EPSTI1: variants seen among roughly 807,000 people sequenced by gnomAD.
EPSTI1 encodes epithelial-stromal interaction protein 1.
In EPSTI1, 66 loss-of-function variants were observed where a neutral mutation model predicts 49.9. The observed-to-expected ratio is 1.32, with a 90% CI of 1.08 to 1.62. The LOEUF is 1.62. Ranked by LOEUF, EPSTI1 falls within the 40% of genes most tolerant of loss-of-function variation. The pLI, the probability that EPSTI1 is intolerant of heterozygous loss-of-function variation, is 0.00. For missense variants in EPSTI1, 394 were observed against 365.5 expected, an observed-to-expected ratio of 1.08 and a Z score of -0.64; for synonymous variants, 137 against 130.7, an observed-to-expected ratio of 1.05 and a Z score of -0.33.
At chr13:42,962,027 T>C (rs1362959338) in intron 5 of EPSTI1, among the ~76,000 whole-genome samples, 1 of 152,240 alleles carries the variant, frequency 6.6e-6, no homozygotes, top group Non-Finnish European at 1.5e-5. Context: ...ATGTTCATTT[T>C]TCTTATCTGA....
chr13:42,917,638 AAG>A lies in EPSTI1; in HGVS notation c.658-16_658-15del. The A allele has an allele frequency of 2.0e-6, 2 of 990,218 alleles. No individual in the cohort carries two copies. The highest frequency in any genetic ancestry group is 2.6e-5 in the East Asian group (1 of 37,790). The allele number at this position is 990,218 out of a possible 1,614,324, so 61.3% of individuals were successfully genotyped here. A position where few individuals can be genotyped will look rare whatever the true frequency, so the allele number is the denominator to read the frequency against. ...CCAGCTTCTGGCCTGTAAAGGTACA[AAG>A]AGAAAAAAAAAAAAAAAAACAACTT... On this transcript the variant is annotated splice_polypyrimidine_tract_variant and intron_variant, in intron 7 of 10. Transcript: ENST00000313624.
intron 1 of EPSTI1, among the ~76,000 whole-genome samples, chr13:42,978,986 GAAT>G (rs1413504459): frequency 6.6e-6 from 1 of 151,704 alleles, no homozygotes; most frequent in Non-Finnish European, 1.5e-5. Context: ...TCTTTCCTTT[GAAT>G]AATAAGGACC....
At chr13:42,905,406 A>T (rs775741896) in intron 8 of EPSTI1, among the ~76,000 whole-genome samples, 3 of 152,206 alleles carry the variant, frequency 2.0e-5, no homozygotes, top group African/African-American at 4.8e-5. Flanking sequence ...ACTAAGAAGG[A>T]TAATTTCAGC....
At position 42,895,033 on chromosome 13, in the gene EPSTI1, C is replaced by T. The variant is rs747349556; in HGVS notation, c.891G>A (p.Trp297Ter). The T allele has an allele frequency of 2.0e-5, 33 of 1,612,684 alleles. No individual in the cohort carries two copies. The highest frequency in any genetic ancestry group is 3.3e-5 in the Admixed American group (2 of 59,854). Residue 297 changes from tryptophan (W) to a stop codon, truncating the protein, a stop_gained, in exon 10 of 11, where the codon TGG (tryptophan) becomes TGA (stop). Coordinates refer to ENST00000313624, the MANE Select transcript of EPSTI1 (RefSeq NM_033255.5). LOFTEE classifies it high-confidence loss of function. The part of the protein sequence containing the change: ...PGGLEQSGGC[W>*]NMNSGNSWGI Reference sequence around the variant, plus strand: ...CCCAGCTGTTACCGCTATTCATATTCCAACAGCCTCCAGATTGCTCGAGGC... The same window carrying T: ...CCCAGCTGTTACCGCTATTCATATTTCAACAGCCTCCAGATTGCTCGAGGC...
chr13:42,963,949 C>G, intron 4 of EPSTI1, 117 bp downstream of exon 4: 1 of 834,220 alleles, frequency 1.2e-6, no homozygotes, highest in Non-Finnish European at 1.8e-6. Flanking sequence ...CTGCCTTTTG[C>G]AACTGGTTGG....
rs781465487 is a variant in EPSTI1 at position 42,888,204 on chromosome 13, TC to T, written c.*289del. 7.5e-6 allele frequency: 12 copies of T among 1,599,576 alleles called. No homozygotes were observed. The African/African-American group carries it at 1.2e-4, about 16-fold the overall frequency. On this transcript the variant is annotated 3_prime_UTR_variant, in exon 11 of 11. Transcript: ENST00000313624. ...GATTAACCTGAAAGCATCAAGTGAC[TC>T]CCTCTTTTTCTACCCTACCAACATC...
chr13:42,990,297 G>A (rs957182393), intron 1 of EPSTI1, among the ~76,000 whole-genome samples: 1 of 151,896 alleles, frequency 6.6e-6, no homozygotes, highest in East Asian at 1.9e-4. Flanking sequence ...AGCTCTTCAG[G>A]GTATTAAGGC....
intron 7 of EPSTI1, among the ~76,000 whole-genome samples, chr13:42,919,084 G>T (rs1249904013): frequency 6.6e-6 from 1 of 151,984 alleles, no homozygotes; most frequent in Non-Finnish European, 1.5e-5. Context: ...TTGAATGAGA[G>T]TATCTAAATT....
At chr13:42,911,422 A>T (rs114099194) in intron 8 of EPSTI1, among the ~76,000 whole-genome samples, 8 of 152,182 alleles carry the variant, frequency 5.3e-5, no homozygotes, top group African/African-American at 1.9e-4. Context: ...TGTTCCTTGA[A>T]AATTTGAAGG....
Position 42,979,013 on chromosome 13 carries a change from A to T in EPSTI1, c.189-8343T>A, listed in dbSNP as rs552473426. Reference sequence around the variant, plus strand: ...ATAATAAGGACCACTGCATGAAACAAAGTAGTATTTATAAATAATACATCT... The same window carrying T: ...ATAATAAGGACCACTGCATGAAACATAGTAGTATTTATAAATAATACATCT... On this transcript the variant is annotated intron_variant, in intron 1 of 10. Transcript: ENST00000313624. Among the ~76,000 whole-genome samples, 146 of 152,338 alleles carry T rather than the reference A, an allele frequency of 9.6e-4. 2 individuals carry two copies. In the South Asian group the frequency reaches 0.027, roughly 29 times the overall value.
chr13:42,900,324 C>G lies in EPSTI1; in HGVS notation c.801G>C (p.Gln267His). ...GCCAGTTTTACCTCCTGTGTTCAGT[C>G]TGGTGGATTTTGGCTCTTTCTTGCT... Reference protein sequence around the residue: ...QQEQERAKIHQTEHRRVNNAF... With the variant: ...QQEQERAKIHHTEHRRVNNAF... Residue 267 changes from glutamine (Q) to histidine (H), a missense_variant, in exon 9 of 11, where the codon CAG becomes CAC. Transcript: ENST00000313624. 6.2e-7 allele frequency: 1 copy of G among 1,613,660 alleles called. No homozygotes were observed. Among genetic ancestry groups the G allele is most frequent in the Non-Finnish European group, 8.5e-7 (1 of 1,179,734 alleles).
At chr13:42,900,112 A>T (rs1426734427) in intron 9 of EPSTI1, among the ~76,000 whole-genome samples, 198 bp downstream of exon 9, 1 of 152,232 alleles carries the variant, frequency 6.6e-6, no homozygotes, top group Non-Finnish European at 1.5e-5. Context: ...GTGCATGCAC[A>T]TATGTACACA....
intron 9 of EPSTI1, among the ~76,000 whole-genome samples, chr13:42,896,957 C>T (rs1329906577): frequency 1.3e-5 from 2 of 151,878 alleles, no homozygotes; most frequent in African/African-American, 2.4e-5. Flanking sequence ...AAAATTAGCC[C>T]GGCATGGTGG....
chr13:42,954,635 C>T (rs562660398), intron 5 of EPSTI1, among the ~76,000 whole-genome samples: 10 of 152,136 alleles, frequency 6.6e-5, no homozygotes, highest in Admixed American at 1.3e-4. Context: ...ATATTACTGT[C>T]ACCATGGCTC....
chr13:42,969,655 C>G (rs2039716758), intron 2 of EPSTI1: 2 of 171,696 alleles, frequency 1.2e-5, no homozygotes, highest in Non-Finnish European at 2.5e-5. Flanking sequence ...GGGCTCGGTG[C>G]TACAGGTGGA....
At chr13:42,898,758 C>A (rs1242376976) in intron 9 of EPSTI1, among the ~76,000 whole-genome samples, 2 of 152,116 alleles carry the variant, frequency 1.3e-5, no homozygotes, top group Admixed American at 6.5e-5. Flanking sequence ...AGCAATGGAG[C>A]CTATTAATGT....
intron 6 of EPSTI1, among the ~76,000 whole-genome samples, chr13:42,948,462 GTT>G (rs35811528): frequency 0.61 from 85,471 of 139,308 alleles, 25,574 homozygotes; most frequent in East Asian, 0.79. Flanking sequence ...TGTTTTTTGT[GTT>G]TTTTTTTTTG....
intron 1 of EPSTI1, among the ~76,000 whole-genome samples, chr13:42,978,152 CAA>C (rs1370334281): frequency 2.2e-5 from 3 of 137,824 alleles, no homozygotes; most frequent in Non-Finnish European, 1.6e-5. Context: ...GACTCCATCT[CAA>C]AAAAAAAAAA....
At chr13:42,943,444 A>C in intron 6 of EPSTI1, among the ~76,000 whole-genome samples, 1 of 152,210 alleles carries the variant, frequency 6.6e-6, no homozygotes, top group East Asian at 1.9e-4. Context: ...GTATCAGTTA[A>C]TCTTCTTCTG....
Sources: allele counts gnomAD v4.1 joint callset (sites outside exome capture counted in the v4.1 genomes callset), GRCh38; gene constraint gnomAD v4.1.1; transcripts MANE v1.5; gene names NCBI Gene and HGNC (gene_info 2026-07-23, HGNC 2026-07-21).